EED: variants seen among roughly 807,000 people sequenced by gnomAD.
EED encodes the protein polycomb protein EED.
EED carries 9 observed loss-of-function variants against 61.0 expected under a neutral mutation model. That is an observed-to-expected ratio of 0.15 (90% CI 0.09 to 0.26). The LOEUF is 0.26. EED is among the 10% of genes least tolerant of loss of function. The pLI is 1.00. For synonymous variants in EED, 187 were observed against 174.4 expected, an observed-to-expected ratio of 1.07 and a Z score of -0.57; for missense variants, 315 against 542.3, an observed-to-expected ratio of 0.58 and a Z score of 4.16.
At chr11:86,268,846 C>T (rs1278476061) in intron 9 of EED, among the ~76,000 whole-genome samples, 2 of 152,054 alleles carry the variant, frequency 1.3e-5, no homozygotes, top group Non-Finnish European at 2.9e-5. Flanking sequence ...AGTATTGTTA[C>T]AAGATAACCA....
At chr11:86,271,606 G>A (rs1011000552) in intron 9 of EED, among the ~76,000 whole-genome samples, 1 of 152,084 alleles carries the variant, frequency 6.6e-6, no homozygotes, top group Non-Finnish European at 1.5e-5. Flanking sequence ...GTATATTAGG[G>A]TTTGTTTTGT....
At chr11:86,251,028 T>C (rs1945519003) in intron 2 of EED, among the ~76,000 whole-genome samples, 1 of 152,166 alleles carries the variant, frequency 6.6e-6, no homozygotes, top group Non-Finnish European at 1.5e-5. Flanking sequence ...TTACTGGTGT[T>C]TAAGATATTT....
chr11:86,283,231 C>T (rs2138249737), downstream of EED, among the ~76,000 whole-genome samples: 1 of 152,016 alleles, frequency 6.6e-6, no homozygotes, highest in East Asian at 1.9e-4. Context: ...ACCAGATTGA[C>T]AATGAAGCAA....
Position 86,266,295 on chromosome 11 carries a change from A to G in EED, c.860+79A>G, listed in dbSNP as rs542865901. 53 of 1,287,466 alleles carry G rather than the reference A, an allele frequency of 4.1e-5. No individual in the cohort carries two copies. The African/African-American group carries it at 7.2e-4, about 18-fold the overall frequency. The allele number at this position is 1,287,466 out of a possible 1,614,324, so 79.8% of individuals were successfully genotyped here. On this transcript the variant is annotated intron_variant, in intron 8 of 11. Transcript: ENST00000263360. Reference sequence around the variant, plus strand: ...TTTTATTTTTTCCCAAAATTGCTATATAAGCCCCAACAATGAGTTTAGAAG... The same window carrying G: ...TTTTATTTTTTCCCAAAATTGCTATGTAAGCCCCAACAATGAGTTTAGAAG...
intron 9 of EED, chr11:86,269,983 C>T (rs1269095101): frequency 2.2e-5 from 13 of 596,486 alleles, no homozygotes; most frequent in Non-Finnish European, 3.6e-5. Flanking sequence ...TTTGTGTGGA[C>T]TTAAGTTTTC....
rs759052204 is a variant in EED at position 86,277,901 on chromosome 11, A to T, written c.1126-17A>T. 1 of 1,509,350 alleles carries T rather than the reference A, an allele frequency of 6.6e-7. No individual in the cohort carries two copies. The highest frequency in any genetic ancestry group is 1.4e-5 in the South Asian group (1 of 71,288). The allele number at this position is 1,509,350 out of a possible 1,614,324, so 93.5% of individuals were successfully genotyped here. On this transcript the variant is annotated splice_polypyrimidine_tract_variant and intron_variant, in intron 10 of 11. Coordinates refer to ENST00000263360, the MANE Select transcript of EED (RefSeq NM_003797.5). ...TAATTTTATTAATTTGATGTTTTTA[A>T]AAATATGTTTATACAGATGCTTGCA...
chr11:86,283,196 A>G (rs17210350), downstream of EED, among the ~76,000 whole-genome samples: 7,965 of 152,290 alleles, frequency 0.052, 294 homozygotes, highest in East Asian at 0.14. Flanking sequence ...ATTTAAGTCA[A>G]CCGAATAGTT....
intron 1 of EED, among the ~76,000 whole-genome samples, chr11:86,247,968 G>A (rs1945432648): frequency 6.6e-6 from 1 of 152,184 alleles, no homozygotes; most frequent in Non-Finnish European, 1.5e-5. Flanking sequence ...TGGCTTCTGC[G>A]AGAGTACTAA....
chr11:86,247,428 A>G (rs76513876), intron 1 of EED, among the ~76,000 whole-genome samples: 2,093 of 152,340 alleles, frequency 0.014, 56 homozygotes, highest in African/African-American at 0.048. Context: ...TATGTACTTT[A>G]TTAGCACATT....
At chr11:86,245,937 G>A (rs1238405382) in intron 1 of EED, among the ~76,000 whole-genome samples, 1 of 152,108 alleles carries the variant, frequency 6.6e-6, no homozygotes, top group Non-Finnish European at 1.5e-5. Flanking sequence ...ATTTGGGGGT[G>A]GGGAGTGACT....
At chr11:86,259,129 A>G (rs56683247) in intron 6 of EED, among the ~76,000 whole-genome samples, 2,434 of 151,570 alleles carry the variant, frequency 0.016, 69 homozygotes, top group African/African-American at 0.055. Flanking sequence ...CGGCCTCCCA[A>G]AGTGCTGGGA....
chr11:86,257,691 A>G, intron 6 of EED, 95 bp downstream of exon 6: 1 of 968,514 alleles, frequency 1.0e-6, no homozygotes, highest in Non-Finnish European at 1.5e-6. Flanking sequence ...AGGAAAAACC[A>G]TGAGAAGAGA....
downstream of EED, among the ~76,000 whole-genome samples, chr11:86,281,640 A>G (rs1946324593): frequency 6.6e-6 from 1 of 152,020 alleles, no homozygotes; most frequent in South Asian, 2.1e-4. Context: ...GTCTCAAGGT[A>G]TCTTTATATA....
At chr11:86,275,408 G>A (rs1298955848) in intron 9 of EED, among the ~76,000 whole-genome samples, 2 of 152,210 alleles carry the variant, frequency 1.3e-5, no homozygotes, top group South Asian at 2.1e-4. Context: ...GCTCTGCATC[G>A]GACTCACTAG....
At chr11:86,270,794 T>G (rs1324451770) in intron 9 of EED, among the ~76,000 whole-genome samples, 1 of 152,220 alleles carries the variant, frequency 6.6e-6, no homozygotes, top group Non-Finnish European at 1.5e-5. Flanking sequence ...GCCATTGAAT[T>G]GCTTTTGCAC....
chr11:86,253,489 A>G (rs1292781613), intron 3 of EED, among the ~76,000 whole-genome samples: 1 of 152,240 alleles, frequency 6.6e-6, no homozygotes, highest in African/African-American at 2.4e-5. Context: ...ATTTTTATTT[A>G]AAGTGACATA....
chr11:86,276,870 C>T (rs1593774600), intron 9 of EED, 110 bp from the exon 10 acceptor site: 1 of 936,804 alleles, frequency 1.1e-6, no homozygotes, highest in East Asian at 2.8e-5. Context: ...GATGGATTAA[C>T]CAGGTTCTAA....
chr11:86,265,860 T>G, intron 7 of EED: 1 of 326,978 alleles, frequency 3.1e-6, no homozygotes, highest in Non-Finnish European at 5.5e-6. Context: ...TTTCTTGGTT[T>G]ATACATTGTA....
chr11:86,274,319 A>T (rs1946182118), intron 9 of EED, among the ~76,000 whole-genome samples: 1 of 152,078 alleles, frequency 6.6e-6, no homozygotes, highest in Non-Finnish European at 1.5e-5. Flanking sequence ...GTCAGATCTG[A>T]CATCCATGTT....
Sources: gnomAD v4.1 joint callset for allele counts (sites outside exome capture counted in the v4.1 genomes callset) on GRCh38, gnomAD v4.1.1 for gene constraint, MANE v1.5 for transcripts, NCBI Gene and HGNC (gene_info 2026-07-23, HGNC 2026-07-21) for gene names.